Variants in IGSF11 observed in about 807,000 individuals in gnomAD.
The protein encoded by IGSF11 is immunoglobulin superfamily member 11.
IGSF11 carries 22 observed loss-of-function variants against 41.0 expected under a neutral mutation model. The ratio of observed to expected loss-of-function variants is 0.54; its 90% CI spans 0.38 to 0.77. The LOEUF is 0.77. Among genes scored for constraint, IGSF11 ranks in the 30% least tolerant of loss-of-function variants. IGSF11 has a pLI of 0.00. For missense variants in IGSF11, 444 were observed against 530.8 expected (o/e 0.84, Z 1.61); for synonymous variants, 219 against 201.3 (o/e 1.09, Z -0.74).
intron 1 of IGSF11, among the ~76,000 whole-genome samples, chr3:118,948,971 C>CA (rs397874586): frequency 0.039 from 3,397 of 87,236 alleles, 147 homozygotes; most frequent in African/African-American, 0.11. Context: ...GACTCCGTCT[C>CA]AAAAAAAAAA....
Position 118,930,160 on chromosome 3 carries a change from A to G in IGSF11, c.168T>C (p.Asn56=), listed in dbSNP as rs1244430727. The change falls in exon 2 of 7, where the codon AAT becomes AAC. Residue 56 remains asparagine, a synonymous_variant. Coordinates refer to ENST00000393775, the MANE Select transcript of IGSF11 (RefSeq NM_001015887.3). The part of the protein sequence containing the change: ...FTTSAALINL[N]VIWMVTPLSN... ...AGAGAGGAGTGACCATCCAAATGACATTGAGGTTAATGAGGGCAGCGCTGG... is the reference window on the plus strand; with the variant it reads ...AGAGAGGAGTGACCATCCAAATGACGTTGAGGTTAATGAGGGCAGCGCTGG... 3 of 1,613,880 alleles carry G rather than the reference A, an allele frequency of 1.9e-6. No individual in the cohort carries two copies. Among genetic ancestry groups the G allele is most frequent in the African/African-American group, 2.7e-5 (2 of 74,910 alleles).
chr3:118,920,715 A>G (rs1321724155), intron 4 of IGSF11, among the ~76,000 whole-genome samples: 1 of 152,206 alleles, frequency 6.6e-6, no homozygotes, highest in Admixed American at 6.5e-5. Flanking sequence ...AATTATAAGA[A>G]CAAATTGACA....
intron 1 of IGSF11, among the ~76,000 whole-genome samples, chr3:119,123,432 G>C (rs1404699762): frequency 2.6e-5 from 4 of 152,220 alleles, no homozygotes; most frequent in African/African-American, 9.6e-5. Flanking sequence ...TCACTGACCT[G>C]AAAACAAGAA....
At position 119,111,469 on chromosome 3, in the gene IGSF11, G is replaced by C. The variant is rs556407024; in HGVS notation, c.-13-6264C>G. ...GTTCCTTTAAGCACTTCTCTGTATT[G>C]GTTATTCTAGTCATATATTCATCTA... is the stretch of plus-strand genomic sequence containing the variant. On this transcript the variant is annotated intron_variant, in intron 1 of 7. Coordinates refer to the IGSF11 transcript ENST00000425327. Among the ~76,000 whole-genome samples the C allele has an allele frequency of 9.9e-5, 15 of 152,148 alleles. 1 individual carries two copies. The highest frequency in any genetic ancestry group is 3.4e-4 in the African/African-American group (14 of 41,506).
intron 1 of IGSF11, among the ~76,000 whole-genome samples, chr3:118,965,430 TA>T: frequency 6.6e-6 from 1 of 152,034 alleles, no homozygotes; most frequent in Non-Finnish European, 1.5e-5. Flanking sequence ...CAGGAATTAA[TA>T]AATAAAAGAG....
intron 1 of IGSF11, among the ~76,000 whole-genome samples, chr3:119,079,622 G>A (rs1354593694): frequency 6.6e-6 from 1 of 152,144 alleles, no homozygotes; most frequent in Non-Finnish European, 1.5e-5. Context: ...AGTAAAGACA[G>A]GAATCAACCT....
intron 1 of IGSF11, among the ~76,000 whole-genome samples, chr3:119,126,353 C>CAG (rs2077405125): frequency 6.6e-6 from 1 of 152,194 alleles, no homozygotes; most frequent in Admixed American, 6.5e-5. Flanking sequence ...GCCAGAGGCT[C>CAG]AGGGACAGAA....
intron 1 of IGSF11, chr3:118,945,977 G>A (rs1944097916): frequency 6.6e-6 from 1 of 152,040 alleles, no homozygotes. Flanking sequence ...GTCAGCAACA[G>A]GCACTGCAGT....
At chr3:118,908,349 T>G (rs967211232) in intron 4 of IGSF11, among the ~76,000 whole-genome samples, 1 of 152,180 alleles carries the variant, frequency 6.6e-6, no homozygotes, top group Non-Finnish European at 1.5e-5. Context: ...TAGATTTAAC[T>G]TGGAATATAA....
chr3:118,930,773 A>C (rs1033660849), intron 1 of IGSF11, among the ~76,000 whole-genome samples: 4 of 152,226 alleles, frequency 2.6e-5, no homozygotes, highest in African/African-American at 9.6e-5. Flanking sequence ...ACGTTCATGA[A>C]CTGGGAGAGT....
At chr3:119,125,856 G>C (rs1187439228) in intron 1 of IGSF11, among the ~76,000 whole-genome samples, 1 of 152,160 alleles carries the variant, frequency 6.6e-6, no homozygotes, top group Non-Finnish European at 1.5e-5. Flanking sequence ...CAAGGGAGGC[G>C]GTGAGTGAGC....
intron 1 of IGSF11, among the ~76,000 whole-genome samples, chr3:119,033,814 A>G (rs1428065023): frequency 6.6e-6 from 1 of 152,250 alleles, no homozygotes; most frequent in African/African-American, 2.4e-5. Context: ...CTAAATTAAT[A>G]TGATGGCTAT....
intron 1 of IGSF11, among the ~76,000 whole-genome samples, chr3:119,090,381 AT>A (rs2076744264): frequency 1.3e-5 from 2 of 152,204 alleles, no homozygotes; most frequent in African/African-American, 2.4e-5. Flanking sequence ...TAGAAAAACT[AT>A]TCTAAAATTC....
At chr3:118,908,389 A>G (rs1329499755) in intron 4 of IGSF11, among the ~76,000 whole-genome samples, 1 of 152,182 alleles carries the variant, frequency 6.6e-6, no homozygotes, top group African/African-American at 2.4e-5. Flanking sequence ...CATTGATAAC[A>G]GAAGATTAAC....
At chr3:118,928,444 C>A (rs1942545145) in intron 3 of IGSF11, 65 bp downstream of exon 3, 1 of 1,279,218 alleles carries the variant, frequency 7.8e-7, no homozygotes, top group East Asian at 2.3e-5. Context: ...AGGGCAGAAG[C>A]AAGTATGCTT....
At chr3:119,024,050 CACA>C (rs1465821887) in intron 1 of IGSF11, among the ~76,000 whole-genome samples, 1 of 152,122 alleles carries the variant, frequency 6.6e-6, no homozygotes, top group East Asian at 1.9e-4. Context: ...CCCTGTAGCT[CACA>C]ACATTATACT....
chr3:119,093,726 G>A (rs1457821373), intron 1 of IGSF11, among the ~76,000 whole-genome samples: 1 of 152,128 alleles, frequency 6.6e-6, no homozygotes, highest in East Asian at 1.9e-4. Context: ...GTAAAGACAG[G>A]TCCCTAATGC....
At chr3:118,978,712 T>C (rs547362728) in intron 1 of IGSF11, among the ~76,000 whole-genome samples, 2 of 152,304 alleles carry the variant, frequency 1.3e-5, no homozygotes, top group African/African-American at 2.4e-5. Flanking sequence ...CACTGCACTA[T>C]TGCATGTACC....
At chr3:118,970,750 CA>C (rs56812884) in intron 1 of IGSF11, among the ~76,000 whole-genome samples, 26,336 of 102,106 alleles carry the variant, frequency 0.26, 2,651 homozygotes, top group South Asian at 0.42. Context: ...CACAGTTTTA[CA>C]AAAAAAAAAA....
Sources: gnomAD v4.1 joint callset for allele counts (sites outside exome capture counted in the v4.1 genomes callset) on GRCh38, gnomAD v4.1.1 for gene constraint, MANE v1.5 for transcripts, NCBI Gene and HGNC (gene_info 2026-07-23, HGNC 2026-07-21) for gene names.